POFUT3: variants seen among roughly 807,000 people sequenced by gnomAD.
The protein encoded by POFUT3 is GDP-fucose protein O-fucosyltransferase 3.
At chr8:33,456,771 CTTTTT>C in the POFUT3 span, among the ~76,000 whole-genome samples, 1 of 117,320 alleles carries the variant, frequency 8.5e-6, no homozygotes, top group Non-Finnish European at 1.8e-5. Flanking sequence ...TTTCTTTTTT[CTTTTT>C]TTTTTTTTTT....
At chr8:33,409,358 C>T in the POFUT3 span, among the ~76,000 whole-genome samples, 2 of 152,178 alleles carry the variant, frequency 1.3e-5, no homozygotes, top group African/African-American at 4.8e-5. Flanking sequence ...CCGCCTTGGC[C>T]TCCCAAAGTG....
chr8:33,373,594 G>T, the POFUT3 span, among the ~76,000 whole-genome samples: 2 of 151,770 alleles, frequency 1.3e-5, no homozygotes, highest in African/African-American at 2.4e-5. Flanking sequence ...CTCATTCCAA[G>T]TTCAAGTCCA....
chr8:33,371,983 C>T, the POFUT3 span: 1,772 of 184,230 alleles, frequency 9.6e-3, 24 homozygotes, highest in African/African-American at 0.041. Flanking sequence ...GGCGATAGGG[C>T]AAGGCACAAC....
chr8:33,451,370 GTGTA>G, the POFUT3 span, among the ~76,000 whole-genome samples: 1 of 151,984 alleles, frequency 6.6e-6, no homozygotes, highest in Admixed American at 6.6e-5. Flanking sequence ...ATTACAGTAT[GTGTA>G]TGTATGTAAG....
At chr8:33,451,549 AATGTGTATGT>A in the POFUT3 span, among the ~76,000 whole-genome samples, 1 of 151,644 alleles carries the variant, frequency 6.6e-6, no homozygotes, top group Non-Finnish European at 1.5e-5. Context: ...TGTATGCATA[AATGTGTATGT>A]ATGTGTATAT....
chr8:33,388,783 T>TA, the POFUT3 span: 1 of 611,444 alleles, frequency 1.6e-6, no homozygotes, highest in Non-Finnish European at 2.9e-6. Context: ...CCAGGGCTTG[T>TA]AAACTTTACG....
the POFUT3 span, among the ~76,000 whole-genome samples, chr8:33,467,803 G>C: frequency 6.6e-6 from 1 of 152,224 alleles, no homozygotes; most frequent in Non-Finnish European, 1.5e-5. Context: ...CAGCTTGAGG[G>C]TGCCAGCTTC....
At chr8:33,309,457 G>A in the POFUT3 span, among the ~76,000 whole-genome samples, 1 of 151,492 alleles carries the variant, frequency 6.6e-6, no homozygotes, top group Non-Finnish European at 1.5e-5. Flanking sequence ...AGTTGAAGGA[G>A]GCTGAGAGAA....
chr8:33,341,680 G>A, the POFUT3 span, among the ~76,000 whole-genome samples: 2 of 152,004 alleles, frequency 1.3e-5, no homozygotes, highest in African/African-American at 4.8e-5. Flanking sequence ...GGAAAAAAAA[G>A]AGCAAGATAA....
chr8:33,369,503 G>C, the POFUT3 span, among the ~76,000 whole-genome samples: 1 of 152,134 alleles, frequency 6.6e-6, no homozygotes, highest in African/African-American at 2.4e-5. Context: ...CCAGAACTGT[G>C]AGCAATAAAC....
chr8:33,318,389 G>C, the POFUT3 span, among the ~76,000 whole-genome samples: 4 of 147,920 alleles, frequency 2.7e-5, no homozygotes, highest in Non-Finnish European at 5.9e-5. Flanking sequence ...AGGGAAAAGA[G>C]TGAGGGGAAG....
chr8:33,386,709 C>G, the POFUT3 span, among the ~76,000 whole-genome samples: 3 of 152,176 alleles, frequency 2.0e-5, no homozygotes, highest in African/African-American at 7.2e-5. Context: ...ACTCGGGAGG[C>G]TGAAGCAGGA....
At chr8:33,358,043 T>C in the POFUT3 span, among the ~76,000 whole-genome samples, 1 of 152,090 alleles carries the variant, frequency 6.6e-6, no homozygotes, top group Non-Finnish European at 1.5e-5. Context: ...GTCCAGGAGC[T>C]CAAGACCAGC....
At chr8:33,448,212 G>A in the POFUT3 span, among the ~76,000 whole-genome samples, 275 of 122,058 alleles carry the variant, frequency 2.3e-3, no homozygotes, top group African/African-American at 7.7e-3. Context: ...CAGATATGGC[G>A]GCAAGCACCT....
At chr8:33,442,290 C>CTT in the POFUT3 span, among the ~76,000 whole-genome samples, 51 of 125,128 alleles carry the variant, frequency 4.1e-4, no homozygotes, top group Non-Finnish European at 5.8e-4. Context: ...TTTTCTTTCT[C>CTT]TTTTTTTTTT....
the POFUT3 span, among the ~76,000 whole-genome samples, chr8:33,406,126 C>A: frequency 6.6e-6 from 1 of 151,698 alleles, no homozygotes; most frequent in African/African-American, 2.4e-5. Flanking sequence ...ACAGAAGTAG[C>A]CTTAAAAAAC....
At chr8:33,389,879 CAG>C in the POFUT3 span, 1 of 956,312 alleles carries the variant, frequency 1.0e-6, no homozygotes, top group Non-Finnish European at 1.6e-6. Context: ...GATTAGAATA[CAG>C]AGGAGTCTGA....
chr8:33,417,250 G>A, the POFUT3 span, among the ~76,000 whole-genome samples: 5 of 152,294 alleles, frequency 3.3e-5, no homozygotes, highest in East Asian at 3.9e-4. Context: ...AGATGGGACC[G>A]TCTAGTTGCA....
At chr8:33,359,928 C>A in the POFUT3 span, among the ~76,000 whole-genome samples, 4 of 152,030 alleles carry the variant, frequency 2.6e-5, no homozygotes, top group Admixed American at 6.5e-5. Flanking sequence ...ATTGCTTACA[C>A]CCGGGAGGCG....
Sources: allele counts gnomAD v4.1 joint callset (sites outside exome capture counted in the v4.1 genomes callset), GRCh38; gene constraint gnomAD v4.1.1; transcripts MANE v1.5; gene names NCBI Gene and HGNC (gene_info 2026-07-23, HGNC 2026-07-21).